Variants in RREB1 observed in about 807,000 individuals in gnomAD.
RREB1 encodes the protein ras-responsive element-binding protein 1.
In RREB1, 27 loss-of-function variants were observed where a neutral mutation model predicts 117.8. The ratio of observed to expected loss-of-function variants is 0.23; its 90% CI spans 0.17 to 0.32. The LOEUF (loss-of-function observed/expected upper bound fraction) is 0.32. RREB1 is among the 10% of genes least tolerant of loss of function. The pLI, the probability that RREB1 is intolerant of heterozygous loss-of-function variation, is 1.00. For synonymous variants in RREB1, 1,298 were observed against 1,026.7 expected (o/e 1.26, Z -5.05); for missense variants, 2,577 against 2,378.2 (o/e 1.08, Z -1.74).
chr6:7,210,304 T>G (rs1766512659), intron 6 of RREB1, among the ~76,000 whole-genome samples: 1 of 152,268 alleles, frequency 6.6e-6, no homozygotes, highest in Admixed American at 6.5e-5. Flanking sequence ...ACATTTGCTC[T>G]GTTAGCATGT....
In RREB1 at chr6:7,167,521, T is replaced by A. The variant is rs575829658; in HGVS notation, c.-284-9134T>A. 5.1e-4 allele frequency among the ~76,000 whole-genome samples: 78 copies of A among 152,096 alleles called. No individual in the cohort carries two copies. The East Asian group carries it at 0.012, about 23-fold the overall frequency. Reference sequence around the variant, plus strand: ...GGTACCCGCCACCACGCCCAGCTAATTTTTTGTATTTTTAGTAGAGATGGG... The same window carrying A: ...GGTACCCGCCACCACGCCCAGCTAAATTTTTGTATTTTTAGTAGAGATGGG... On this transcript the variant is annotated intron_variant, in intron 1 of 12. Coordinates refer to ENST00000379938, the MANE Select transcript of RREB1 (RefSeq NM_001003699.4).
chr6:7,236,584 G>A (rs1418630158), intron 10 of RREB1, among the ~76,000 whole-genome samples: 1 of 152,168 alleles, frequency 6.6e-6, no homozygotes, highest in Non-Finnish European at 1.5e-5. Flanking sequence ...GCCTGCAGGG[G>A]TGGAGGAGCA....
At chr6:7,186,086 G>C (rs1765066473) in intron 4 of RREB1, among the ~76,000 whole-genome samples, 1 of 152,216 alleles carries the variant, frequency 6.6e-6, no homozygotes, top group African/African-American at 2.4e-5. Flanking sequence ...CAAGTAAAAA[G>C]AGGTCTATTG....
At chr6:7,206,633 C>T (rs1401462845) in intron 6 of RREB1, among the ~76,000 whole-genome samples, 1 of 146,374 alleles carries the variant, frequency 6.8e-6, no homozygotes, top group African/African-American at 2.6e-5. Context: ...GAGTAAAATA[C>T]ATGATATCTT....
chr6:7,230,365 C>G lies in RREB1; in HGVS notation c.2266C>G (p.Arg756Gly). Reference protein sequence around the residue: ...DAFCAPDTVCRLCGEDLKHYR... With the variant: ...DAFCAPDTVCGLCGEDLKHYR... ...CTTCTGCGCCCCGGACACCGTGTGC[C>G]GGCTGTGCGGCGAGGACCTCAAGCA... The change falls in exon 10 of 13, where the codon CGG (arginine) becomes GGG (glycine). Residue 756 changes from arginine to glycine, a missense_variant. Arg to Gly is a moderately radical substitution (Grantham distance 125). Transcript: ENST00000379938. 11 of 1,591,846 alleles carry G rather than the reference C, an allele frequency of 6.9e-6. No individual in the cohort carries two copies. The highest frequency in any genetic ancestry group is 1.1e-5 in the South Asian group (1 of 90,366).
intron 4 of RREB1, chr6:7,184,068 G>A (rs1217337045): frequency 1.3e-5 from 2 of 152,120 alleles, no homozygotes; most frequent in Non-Finnish European, 2.9e-5. Context: ...CTCCATTAGG[G>A]TGCTGGGCGT....
At chr6:7,172,693 G>T (rs549334616) in intron 1 of RREB1, among the ~76,000 whole-genome samples, 9 of 144,690 alleles carry the variant, frequency 6.2e-5, no homozygotes, top group South Asian at 4.2e-4. Context: ...TGCCGGTGTG[G>T]GGGGGTGGGG....
At chr6:7,218,291 A>C (rs999740587) in intron 8 of RREB1, 2 of 152,240 alleles carry the variant, frequency 1.3e-5, no homozygotes, top group Non-Finnish European at 2.9e-5. Flanking sequence ...TGATGGAGTT[A>C]CATGACAGAG....
chr6:7,189,066 G>A, intron 5 of RREB1, 93 bp from the exon 6 acceptor site: 3 of 1,279,388 alleles, frequency 2.3e-6, no homozygotes, highest in Non-Finnish European at 2.1e-6. Context: ...AAGTTGATTG[G>A]TTTTTTTAAT....
Position 7,226,594 on chromosome 6 carries a change from G to C in RREB1, c.835G>C (p.Ala279Pro). The change falls in exon 9 of 13, where the codon GCT becomes CCT. Residue 279 changes from alanine to proline, a missense_variant. By Grantham distance (27) the Ala-to-Pro change is conservative (BLOSUM62 -1). Transcript: ENST00000379938. ...CATACAGAACAACCCTTCAATTCCT[G>C]CTGGCTTCCACGACTTAGGATTCAC... ...PFIQNNPSIPAGFHDLGFTDF... is the reference protein window; with the variant it reads ...PFIQNNPSIPPGFHDLGFTDF... 6.2e-7 allele frequency: 1 copy of C among 1,614,144 alleles called. No individual in the cohort carries two copies. The highest frequency in any genetic ancestry group is 2.2e-5 in the East Asian group (1 of 44,880).
At chr6:7,144,630 A>C (rs989562800) in intron 1 of RREB1, among the ~76,000 whole-genome samples, 2 of 150,694 alleles carry the variant, frequency 1.3e-5, no homozygotes, top group African/African-American at 4.9e-5. Context: ...TTTTTTTCAC[A>C]AATTATTTCT....
chr6:7,109,429 C>A (rs2113266703), intron 1 of RREB1, among the ~76,000 whole-genome samples: 1 of 149,352 alleles, frequency 6.7e-6, no homozygotes, highest in Non-Finnish European at 1.5e-5. Context: ...GCCAAGGGCG[C>A]GTCGAGGATG....
chr6:7,166,824 G>T (rs1030411063), intron 1 of RREB1, among the ~76,000 whole-genome samples: 2 of 152,210 alleles, frequency 1.3e-5, no homozygotes, highest in Non-Finnish European at 2.9e-5. Context: ...GCAAAGTGGA[G>T]AATCCCGTTG....
rs758364133 is a variant in RREB1 at position 7,230,373 on chromosome 6, C to T, written c.2274C>T (p.Cys758=). ...FCAPDTVCRL[C]GEDLKHYRAL... ...CCCCGGACACCGTGTGCCGGCTGTG[C>T]GGCGAGGACCTCAAGCACTATCGTG... is the stretch of plus-strand genomic sequence containing the variant. The change falls in exon 10 of 13, where the codon TGC becomes TGT. Residue 758 remains cysteine (C), a synonymous_variant. Coordinates refer to ENST00000379938, the MANE Select transcript of RREB1 (RefSeq NM_001003699.4). 7.5e-6 allele frequency: 12 copies of T among 1,591,734 alleles called. No homozygotes were observed. Among genetic ancestry groups the T allele is most frequent in the Admixed American group, 3.4e-5 (2 of 59,578 alleles).
In RREB1 at chr6:7,230,155, C is replaced by G; in HGVS notation, c.2056C>G (p.Leu686Val). ...CTACATCGCCGCCGACAAGGCCGCG[C>G]TCATCCGCCACCTGCGCACGCACAG... ...CDYIAADKAA[L>V]IRHLRTHSGE... The change falls in exon 10 of 13, where the codon CTC becomes GTC. Residue 686 changes from leucine (L) to valine (V), a missense_variant. Leu to Val is a conservative substitution (Grantham distance 32, BLOSUM62 1). Coordinates refer to ENST00000379938, the MANE Select transcript of RREB1 (RefSeq NM_001003699.4). 6.2e-7 allele frequency: 1 copy of G among 1,606,494 alleles called. No individual in the cohort carries two copies. Among genetic ancestry groups the G allele is most frequent in the East Asian group, 2.2e-5 (1 of 44,834 alleles).
chr6:7,222,356 A>G (rs1304392134), intron 8 of RREB1, among the ~76,000 whole-genome samples: 1 of 151,994 alleles, frequency 6.6e-6, no homozygotes, highest in Non-Finnish European at 1.5e-5. Flanking sequence ...TGTTTGGGAA[A>G]TTTTACATAG....
intron 1 of RREB1, among the ~76,000 whole-genome samples, chr6:7,146,457 G>T (rs1240891846): frequency 1.3e-5 from 2 of 152,162 alleles, no homozygotes; most frequent in Non-Finnish European, 2.9e-5. Flanking sequence ...GTGAGGTGGA[G>T]TCACTGCAAC....
intron 1 of RREB1, among the ~76,000 whole-genome samples, chr6:7,175,865 G>A (rs1002011186): frequency 6.6e-6 from 1 of 152,202 alleles, no homozygotes; most frequent in African/African-American, 2.4e-5. Flanking sequence ...TCACACCTGC[G>A]AGAGGATGTA....
chr6:7,179,518 G>A (rs55869891), intron 2 of RREB1, among the ~76,000 whole-genome samples: 35,455 of 152,168 alleles, frequency 0.23, 4,470 homozygotes, highest in African/African-American at 0.32. Flanking sequence ...CAGTTATGTT[G>A]TAATTCTCTG....
Sources: allele counts gnomAD v4.1 joint callset (sites outside exome capture counted in the v4.1 genomes callset), GRCh38; gene constraint gnomAD v4.1.1; transcripts MANE v1.5; gene names NCBI Gene and HGNC (gene_info 2026-07-23, HGNC 2026-07-21).